GRAMD2B: variants seen among roughly 807,000 people sequenced by gnomAD.
GRAMD2B encodes GRAM domain-containing protein 2B.
GRAMD2B carries 41 observed loss-of-function variants against 59.2 expected under a neutral mutation model. That is an observed-to-expected ratio of 0.69 (90% CI 0.54 to 0.90). The LOEUF is 0.90. GRAMD2B is among the 40% of genes least tolerant of loss of function. GRAMD2B has a pLI of 0.00. For missense variants in GRAMD2B, 424 were observed against 500.5 expected (o/e 0.85, Z 1.46); for synonymous variants, 161 against 182.7 (o/e 0.88, Z 0.96).
At chr5:126,431,908 C>T (rs1011484114) in intron 1 of GRAMD2B, among the ~76,000 whole-genome samples, 13 of 152,104 alleles carry the variant, frequency 8.5e-5, no homozygotes, top group Non-Finnish European at 1.5e-4. Context: ...CATGGCTCTT[C>T]TTCCCTAATG....
chr5:126,438,529 A>T (rs1762777038), intron 1 of GRAMD2B, among the ~76,000 whole-genome samples: 1 of 152,208 alleles, frequency 6.6e-6, no homozygotes, highest in Admixed American at 6.5e-5. Context: ...TAGTGAAGTC[A>T]TGACAAGGCC....
intron 1 of GRAMD2B, among the ~76,000 whole-genome samples, chr5:126,400,591 A>G (rs1016016848): frequency 6.6e-6 from 1 of 152,176 alleles, no homozygotes; most frequent in Non-Finnish European, 1.5e-5. Flanking sequence ...ACTAATTAGC[A>G]TCTTTCATTC....
At chr5:126,476,203 A>T (rs539363799) in intron 5 of GRAMD2B, among the ~76,000 whole-genome samples, 62 of 152,212 alleles carry the variant, frequency 4.1e-4, no homozygotes, top group African/African-American at 1.4e-3. Flanking sequence ...AACCTGGGAG[A>T]AGGAGGTTGC....
At chr5:126,466,448 C>T (rs149052363) in intron 2 of GRAMD2B, 15 of 676,096 alleles carry the variant, frequency 2.2e-5, no homozygotes, top group Admixed American at 4.4e-5. Flanking sequence ...TTTTTCCAGT[C>T]GGAGTCTCGC....
At chr5:126,433,684 A>G (rs550284507) in intron 1 of GRAMD2B, 2 of 152,348 alleles carry the variant, frequency 1.3e-5, no homozygotes, top group South Asian at 2.1e-4. Flanking sequence ...TTGAAGCTCT[A>G]CGTCCTAATT....
rs1371727218 is a variant in GRAMD2B at position 126,489,117 on chromosome 5, G to A, written c.1257+225G>A. ...TTCCTTGAAATACATAGTCTTGTAGGTCTTTTGTTCTTCCTCCTTGATTAG... is the reference window on the plus strand; with the variant it reads ...TTCCTTGAAATACATAGTCTTGTAGATCTTTTGTTCTTCCTCCTTGATTAG... On this transcript the variant is annotated intron_variant, in intron 13 of 13. Transcript: ENST00000285689. Among the ~76,000 whole-genome samples the A allele has an allele frequency of 4.6e-5, 7 of 152,278 alleles. No homozygotes were observed. The East Asian group carries it at 1.4e-3, about 29-fold the overall frequency.
At chr5:126,467,271 A>T in intron 2 of GRAMD2B, among the ~76,000 whole-genome samples, 1 of 152,216 alleles carries the variant, frequency 6.6e-6, no homozygotes, top group African/African-American at 2.4e-5. Flanking sequence ...CTTTGTCTCT[A>T]TATAAAAATT....
intron 1 of GRAMD2B, among the ~76,000 whole-genome samples, chr5:126,395,567 C>T (rs1490414610): frequency 6.6e-6 from 1 of 152,194 alleles, no homozygotes; most frequent in Non-Finnish European, 1.5e-5. Flanking sequence ...CATTCACAAA[C>T]ATTCACTTTA....
chr5:126,384,209 C>A (rs1755909657), intron 1 of GRAMD2B, among the ~76,000 whole-genome samples: 1 of 152,140 alleles, frequency 6.6e-6, no homozygotes, highest in Admixed American at 6.5e-5. Context: ...TCAGATCCTG[C>A]TTCCAGGAGC....
intron 1 of GRAMD2B, among the ~76,000 whole-genome samples, chr5:126,376,636 G>A (rs1001726696): frequency 6.6e-6 from 1 of 152,180 alleles, no homozygotes; most frequent in Admixed American, 6.5e-5. Flanking sequence ...TCAAGCCCAT[G>A]GGCTCAGCGC....
intron 5 of GRAMD2B, among the ~76,000 whole-genome samples, chr5:126,477,289 C>T (rs551338102): frequency 1.3e-5 from 2 of 152,326 alleles, no homozygotes; most frequent in East Asian, 1.9e-4. Context: ...TATACCAGTG[C>T]TTTTTAACAT....
chr5:126,423,078 G>A (rs776051308), upstream of GRAMD2B: 33 of 770,210 alleles, frequency 4.3e-5, no homozygotes, highest in Non-Finnish European at 5.1e-5. Context: ...TTTAGGATGG[G>A]GCATAGGCCA....
chr5:126,434,763 C>T (rs1394279864), intron 1 of GRAMD2B, among the ~76,000 whole-genome samples: 8 of 152,108 alleles, frequency 5.3e-5, no homozygotes, highest in South Asian at 2.1e-4. Context: ...GTGATCCACC[C>T]GCCTCGGCCT....
At position 126,465,854 on chromosome 5, in the gene GRAMD2B, C is replaced by T. The variant is rs1419188414; in HGVS notation, c.203+309C>T. Among the ~76,000 whole-genome samples the T allele has an allele frequency of 3.9e-5, 6 of 152,180 alleles. No individual in the cohort carries two copies. The South Asian group carries it at 1.0e-3, about 26-fold the overall frequency. ...GGCTGGCCAGGTTGGAGTGTCTGCCCGGCCTTGGGTGTGCACACCTGGTGT... is the reference window on the plus strand; with the variant it reads ...GGCTGGCCAGGTTGGAGTGTCTGCCTGGCCTTGGGTGTGCACACCTGGTGT... On this transcript the variant is annotated intron_variant, in intron 2 of 13. Coordinates refer to ENST00000285689, the MANE Select transcript of GRAMD2B (RefSeq NM_023927.4).
rs1358395392 is a variant in GRAMD2B at position 126,465,586 on chromosome 5, T to G, written c.203+41T>G. ...ACTCTCTTTGTTCTCTTTTGTCTTT[T>G]GGGGAGAAGGCGTTACAGGAGGAGC... On this transcript the variant is annotated intron_variant, in intron 2 of 13. Transcript: ENST00000285689. The G allele has an allele frequency of 1.9e-6, 3 of 1,591,790 alleles. No individual in the cohort carries two copies. The African/African-American group carries it at 4.1e-5, about 21-fold the overall frequency.
intron 1 of GRAMD2B, among the ~76,000 whole-genome samples, chr5:126,388,498 A>C (rs1756390629): frequency 1.3e-5 from 2 of 152,134 alleles, no homozygotes; most frequent in African/African-American, 2.4e-5. Flanking sequence ...CATGTAGTTT[A>C]ACAAACCTAT....
chr5:126,464,092 T>C (rs896546550), intron 1 of GRAMD2B, among the ~76,000 whole-genome samples: 1 of 151,962 alleles, frequency 6.6e-6, no homozygotes, highest in African/African-American at 2.4e-5. Flanking sequence ...TTGTCAGATA[T>C]ACTGGCCTTG....
intron 1 of GRAMD2B, among the ~76,000 whole-genome samples, chr5:126,393,366 T>C (rs1757017288): frequency 6.6e-6 from 1 of 152,248 alleles, no homozygotes; most frequent in African/African-American, 2.4e-5. Flanking sequence ...TACATGTACC[T>C]GCATCTTCCA....
chr5:126,361,923 T>A (rs1754238718), intron 1 of GRAMD2B, among the ~76,000 whole-genome samples: 1 of 152,198 alleles, frequency 6.6e-6, no homozygotes, highest in Non-Finnish European at 1.5e-5. Context: ...GAGCCTCAGT[T>A]CTTCCTCTGC....
Sources: gnomAD v4.1 joint callset for allele counts (sites outside exome capture counted in the v4.1 genomes callset) on GRCh38, gnomAD v4.1.1 for gene constraint, MANE v1.5 for transcripts, NCBI Gene and HGNC (gene_info 2026-07-23, HGNC 2026-07-21) for gene names.